HDAC1: variants seen among roughly 807,000 people sequenced by gnomAD.
The protein encoded by HDAC1 is protein deacetylase HDAC1.
In HDAC1, 18 loss-of-function variants were observed where a neutral mutation model predicts 65.5. The observed-to-expected ratio is 0.27, with a 90% CI of 0.19 to 0.41. HDAC1 has a LOEUF of 0.41. HDAC1 is among the 10% of genes least tolerant of loss of function. The probability of loss-of-function intolerance (pLI) is 1.00; values close to 1 mark genes in which losing one functional copy is unlikely to be tolerated. For synonymous variants in HDAC1, 211 were observed against 227.9 expected (o/e 0.93, Z 0.67); for missense variants, 373 against 625.2 (o/e 0.60, Z 4.30).
chr1:32,312,035 G>A (rs1640998558), intron 2 of HDAC1, among the ~76,000 whole-genome samples: 1 of 152,146 alleles, frequency 6.6e-6, no homozygotes, highest in Non-Finnish European at 1.5e-5. Context: ...TTTAGAAACA[G>A]GGTCTCACTG....
intron 1 of HDAC1, among the ~76,000 whole-genome samples, chr1:32,296,874 G>A (rs867691858): frequency 2.0e-5 from 3 of 152,162 alleles, no homozygotes; most frequent in Non-Finnish European, 2.9e-5. Flanking sequence ...CAGGGGAGAT[G>A]GAAACCGGAG....
intron 1 of HDAC1, among the ~76,000 whole-genome samples, chr1:32,296,140 A>G (rs1300180235): frequency 6.6e-6 from 1 of 152,200 alleles, no homozygotes; most frequent in Admixed American, 6.6e-5. Context: ...CTGTATCCCC[A>G]GCACCAAAAA....
At chr1:32,308,102 C>G (rs960251352) in intron 2 of HDAC1, among the ~76,000 whole-genome samples, 5 of 152,142 alleles carry the variant, frequency 3.3e-5, no homozygotes, top group Admixed American at 2.0e-4. Flanking sequence ...GGCGGATCAC[C>G]TGAGGTCGGG....
intron 1 of HDAC1, among the ~76,000 whole-genome samples, chr1:32,299,841 G>A (rs1640822029): frequency 6.6e-6 from 1 of 152,174 alleles, no homozygotes; most frequent in Non-Finnish European, 1.5e-5. Flanking sequence ...CGGATCACGA[G>A]GTCAGGAGAT....
rs989966491 is a variant in HDAC1, at chr1:32,299,638, A to T, written c.50-2983A>T. ...CTAGAGCTCTGCCTCATCCTAATAA[A>T]TCTCTAAGGAGAGATCTTTGGGTGT... On this transcript the variant is annotated intron_variant, in intron 1 of 13. Transcript: ENST00000373548. 5.9e-5 allele frequency among the ~76,000 whole-genome samples: 9 copies of T among 152,050 alleles called. 1 individual carries two copies. The highest frequency in any genetic ancestry group is 2.2e-4 in the African/African-American group (9 of 41,388).
chr1:32,292,574 C>A (rs1640712164), intron 1 of HDAC1: 1 of 378,482 alleles, frequency 2.6e-6, no homozygotes, highest in South Asian at 1.1e-4. Context: ...TGCCGAGAAC[C>A]CAAAGCTCTT....
chr1:32,309,258 A>T (rs991764077), intron 2 of HDAC1, among the ~76,000 whole-genome samples: 9 of 152,316 alleles, frequency 5.9e-5, no homozygotes, highest in Non-Finnish European at 1.0e-4. Flanking sequence ...CAGTTTGGTG[A>T]GTGTAATGAT....
In HDAC1 at chr1:32,317,738, T is replaced by G. The variant is rs1162127343; in HGVS notation, c.280+956T>G. 2.6e-5 allele frequency among the ~76,000 whole-genome samples: 4 copies of G among 152,168 alleles called. No individual in the cohort carries two copies. In the East Asian group the frequency reaches 7.7e-4, roughly 29 times the overall value. On this transcript the variant is annotated intron_variant, in intron 3 of 13. Coordinates refer to ENST00000373548, the MANE Select transcript of HDAC1 (RefSeq NM_004964.3). ...TGCTGTGAGTGAGGTGTTTGCTCTC[T>G]GAATTGCAGGGTCTTATTTCCCTCC...
chr1:32,326,552 T>C (rs1030916780), intron 4 of HDAC1, among the ~76,000 whole-genome samples: 2 of 152,142 alleles, frequency 1.3e-5, no homozygotes, highest in African/African-American at 4.8e-5. Flanking sequence ...ATATAACATA[T>C]GCATGCATGC....
intron 1 of HDAC1, 35 bp from the exon 2 acceptor site, chr1:32,302,586 C>T (rs201434946): frequency 2.9e-6 from 3 of 1,021,292 alleles, no homozygotes; most frequent in Admixed American, 3.4e-5. Flanking sequence ...GTATGCCTAA[C>T]TGTGTTAGTG....
In HDAC1 at chr1:32,331,449, C is replaced by G. The variant is rs368100301; in HGVS notation, c.980-25C>G. The G allele has an allele frequency of 1.4e-6, 2 of 1,388,732 alleles. No homozygotes were observed. Among genetic ancestry groups the G allele is most frequent in the East Asian group, 2.3e-5 (1 of 43,822 alleles). 86.0% of individuals were successfully genotyped at this position (1,388,732 alleles called of 1,614,324 possible). ...AGGGTGCGGTGGCCAGGTCTCTTGA[C>G]GGTCTTCTCTCCTGCCCCAATCAGA... On this transcript the variant is annotated intron_variant, in intron 9 of 13. Transcript: ENST00000373548. This position sits in a 1 kb window ranked among gnomAD's most constrained non-coding sequence, Gnocchi z 4.2.
chr1:32,313,387 G>A (rs1233472474), intron 2 of HDAC1, among the ~76,000 whole-genome samples: 3 of 152,090 alleles, frequency 2.0e-5, no homozygotes, highest in South Asian at 2.1e-4. Context: ...GAGCCACTGC[G>A]CCTGGCCCCG....
intron 4 of HDAC1, 82 bp from the exon 5 acceptor site, chr1:32,326,857 C>A: frequency 6.6e-7 from 1 of 1,519,076 alleles, no homozygotes; most frequent in Non-Finnish European, 9.0e-7. Context: ...AGGTCTTAAC[C>A]TTTCACTAGG....
intron 2 of HDAC1, among the ~76,000 whole-genome samples, chr1:32,304,768 G>T (rs946016913): frequency 1.3e-5 from 2 of 152,008 alleles, no homozygotes; most frequent in Non-Finnish European, 2.9e-5. Context: ...TCACCATTTT[G>T]CCCAGGCTGG....
At chr1:32,318,535 C>G (rs150644724) in intron 3 of HDAC1, among the ~76,000 whole-genome samples, 1 of 151,740 alleles carries the variant, frequency 6.6e-6, no homozygotes, top group Non-Finnish European at 1.5e-5. Context: ...TGCACTCCAG[C>G]CTGGGCAACA....
Position 32,326,924 on chromosome 1 carries a change from T to C in HDAC1, c.356-15T>C, listed in dbSNP as rs765076178. On this transcript the variant is annotated splice_polypyrimidine_tract_variant and intron_variant, in intron 4 of 13. Coordinates refer to ENST00000373548, the MANE Select transcript of HDAC1 (RefSeq NM_004964.3). Reference sequence around the variant, plus strand: ...GGCTTAGTAACAGGCTTATGTTCTCTTTTCTCATGCCCAGCAAGTGCTGTG... The same window carrying C: ...GGCTTAGTAACAGGCTTATGTTCTCCTTTCTCATGCCCAGCAAGTGCTGTG... 1.9e-6 allele frequency: 3 copies of C among 1,613,560 alleles called. No homozygotes were observed. In the African/African-American group the frequency reaches 4.0e-5, roughly 22 times the overall value.
At position 32,330,549 on chromosome 1, in the gene HDAC1, TTGG is replaced by T. The variant is rs1269466865; in HGVS notation, c.730-23_730-21del. On this transcript the variant is annotated intron_variant, in intron 7 of 13. Transcript: ENST00000373548. The surrounding 1 kb of genome is among the most constrained non-coding windows in gnomAD (Gnocchi z 4.2). ...CAAACCTCGTATTGCTTTCTTGAGG[TTGG>T]TGGTGACCAGGATGTATCATTTTAG... is the stretch of plus-strand genomic sequence containing the variant. 5 of 1,491,432 alleles carry T rather than the reference TTGG, an allele frequency of 3.4e-6. No individual in the cohort carries two copies. The highest frequency in any genetic ancestry group is 1.9e-6 in the Non-Finnish European group (2 of 1,068,526). 92.4% of individuals were successfully genotyped at this position (1,491,432 alleles called of 1,614,324 possible).
Position 32,327,647 on chromosome 1 carries a change from A to C in HDAC1, c.606A>C (p.Gly202=). 1 of 1,614,098 alleles carries C rather than the reference A, an allele frequency of 6.2e-7. No homozygotes were observed. Among genetic ancestry groups the C allele is most frequent in the Non-Finnish European group, 8.5e-7 (1 of 1,179,974 alleles). Residue 202 remains glycine, a synonymous_variant, in exon 6 of 14, where the codon GGA becomes GGC. Transcript: ENST00000373548. The surrounding 1 kb of genome is among the most constrained non-coding windows in gnomAD (Gnocchi z 6.0). ...TGACTGTGTCCTTTCATAAGTATGGAGAGTACTTCCCAGGAACTGGGGACC... is the reference window on the plus strand; with the variant it reads ...TGACTGTGTCCTTTCATAAGTATGGCGAGTACTTCCCAGGAACTGGGGACC... ...RVMTVSFHKY[G]EYFPGTGDLR... is the part of the protein sequence containing the mutation.
At chr1:32,300,311 C>T (rs1640829499) in intron 1 of HDAC1, among the ~76,000 whole-genome samples, 1 of 151,926 alleles carries the variant, frequency 6.6e-6, no homozygotes, top group Non-Finnish European at 1.5e-5. Flanking sequence ...AATCCTAGCA[C>T]TTTGGGAGGC....
Sources: allele counts gnomAD v4.1 joint callset (sites outside exome capture counted in the v4.1 genomes callset), GRCh38; gene constraint gnomAD v4.1.1; non-coding constraint Gnocchi (gnomAD v3.1); transcripts MANE v1.5; gene names NCBI Gene and HGNC (gene_info 2026-07-23, HGNC 2026-07-21).